Variants in KLC3 observed in about 807,000 individuals in gnomAD.
KLC3 encodes the protein kinesin light chain 3, also known as kinesin light chain 2.
In KLC3, 72 loss-of-function variants were observed where a neutral mutation model predicts 62.9. The ratio of observed to expected loss-of-function variants is 1.15; its 90% CI spans 0.95 to 1.39. The LOEUF (loss-of-function observed/expected upper bound fraction) is 1.39, where lower values mean the gene tolerates loss of function less well. Among genes scored for constraint, KLC3 ranks in the 40% most tolerant of loss-of-function variants. KLC3 has a pLI of 0.00. For synonymous variants in KLC3, 377 were observed against 300.5 expected, an observed-to-expected ratio of 1.25 and a Z score of -2.63; for missense variants, 848 against 691.6, an observed-to-expected ratio of 1.23 and a Z score of -2.54.
rs796881579 is a variant in KLC3 at position 45,348,805 on chromosome 19, C to T, written c.868-15C>T. 5.1e-6 allele frequency: 8 copies of T among 1,562,434 alleles called. No homozygotes were observed. In the African/African-American group the frequency reaches 6.8e-5, roughly 13 times the overall value. On this transcript the variant is annotated splice_polypyrimidine_tract_variant and intron_variant, in intron 6 of 12. Transcript: ENST00000391946. The stretch of plus-strand genomic sequence containing the variant: ...ACCTGCCCATCCCTGACCTGTGCCT[C>T]CCCCAACCCCGCAGGTGGCCGCCAC...
intron 1 of KLC3, among the ~76,000 whole-genome samples, chr19:45,341,578 T>TGTGTGTGCGCGCGCGCGCGCGCGC: frequency 7.2e-6 from 1 of 139,800 alleles, no homozygotes; most frequent in Non-Finnish European, 1.6e-5. Context: ...TGTGTGTGTG[T>TGTGTGTGCGCGCGCGCGCGCGCGC]GCGCGCGCGC....
At chr19:45,347,036 A>G (rs1971516560) in intron 3 of KLC3, 1 of 476,054 alleles carries the variant, frequency 2.1e-6, no homozygotes, top group East Asian at 3.6e-5. Context: ...GCTCGTGACC[A>G]CCACCTCCCT....
intron 11 of KLC3, 94 bp downstream of exon 11, chr19:45,350,841 G>A (rs1188203423): frequency 2.8e-6 from 3 of 1,077,640 alleles, no homozygotes; most frequent in Non-Finnish European, 2.7e-6. Context: ...AACCTTCCAT[G>A]GCTCCCATCT....
Position 45,351,010 on chromosome 19 carries a change from GGAC to G in KLC3, c.1437_1439del (p.Thr480del), listed in dbSNP as rs760672425. 6.2e-7 allele frequency: 1 copy of G among 1,614,106 alleles called. No individual in the cohort carries two copies. Among genetic ancestry groups the G allele is most frequent in the South Asian group, 1.1e-5 (1 of 91,082 alleles). On this transcript the variant is annotated inframe_deletion, in exon 12 of 13. Transcript: ENST00000391946. ...AACGTGGATGCTCCAAGGGCTCCTG[GGAC>G]TCAGGTGAGGGGGACATCTGGGTCA...
chr19:45,349,608 G>T lies in KLC3; in HGVS notation c.1143+6G>T, dbSNP rs768943784. Reference sequence around the variant, plus strand: ...CCAAGACCAAGAACAACCTGGTGAGGCCCCTGGGGCTCAGAGTGGGCCAAG... The same window carrying T: ...CCAAGACCAAGAACAACCTGGTGAGTCCCCTGGGGCTCAGAGTGGGCCAAG... On this transcript the variant is annotated splice_donor_region_variant and intron_variant, in intron 8 of 12. Coordinates refer to ENST00000391946, the MANE Select transcript of KLC3 (RefSeq NM_177417.3). The T allele has an allele frequency of 1.9e-6, 3 of 1,605,214 alleles. No individual in the cohort carries two copies. The highest frequency in any genetic ancestry group is 1.7e-4 in the Middle Eastern group (1 of 6,010).
intron 1 of KLC3, among the ~76,000 whole-genome samples, chr19:45,344,424 G>A (rs1379737279): frequency 2.2e-5 from 3 of 139,336 alleles, no homozygotes; most frequent in African/African-American, 8.4e-5. Context: ...TCACCCTGTT[G>A]GCCAGGCTGG....
In KLC3 at chr19:45,345,687, C is replaced by T. The variant is rs764536357; in HGVS notation, c.146C>T (p.Ala49Val). The T allele has an allele frequency of 2.9e-5, 45 of 1,574,380 alleles. No individual in the cohort carries two copies. Among genetic ancestry groups the T allele is most frequent in the Admixed American group, 3.8e-5 (2 of 53,200 alleles). Residue 49 changes from alanine (A) to valine (V), a missense_variant, in exon 2 of 13, where the codon GCG becomes GTG. Physicochemically the swap from Ala to Val is moderately conservative, Grantham distance 64. Transcript: ENST00000391946. ...AEHHGLAGHLAEALAGQGPAA... is the reference protein window; with the variant it reads ...AEHHGLAGHLVEALAGQGPAA... Reference sequence around the variant, plus strand: ...CACCATGGCCTGGCTGGGCACCTGGCGGAGGCCCTGGCGGGACAGGGCCCG... The same window carrying T: ...CACCATGGCCTGGCTGGGCACCTGGTGGAGGCCCTGGCGGGACAGGGCCCG...
intron 8 of KLC3, 28 bp downstream of exon 8, chr19:45,349,630 C>G: frequency 1.3e-6 from 2 of 1,516,980 alleles, no homozygotes; most frequent in Non-Finnish European, 1.8e-6. Flanking sequence ...CAGAGTGGGC[C>G]AAGAGTGGAG....
At position 45,346,567 on chromosome 19, in the gene KLC3, T is replaced by C. The variant is rs1280545338; in HGVS notation, c.282T>C (p.His94=). The C allele has an allele frequency of 1.9e-6, 3 of 1,545,464 alleles. No homozygotes were observed. The highest frequency in any genetic ancestry group is 2.5e-5 in the East Asian group (1 of 40,798). ...AGGTGCTGCTGGCCCTGTCGGCACA[T>C]GTGGGTGCACTGGAGGCAGAGAAGC... The part of the protein sequence containing the change: ...EAQVLLALSA[H]VGALEAEKQR... Residue 94 remains histidine, a synonymous_variant, in exon 3 of 13, where the codon CAT becomes CAC. Transcript: ENST00000391946.
chr19:45,348,932 C>A lies in KLC3; in HGVS notation c.969+11C>A. On this transcript the variant is annotated intron_variant, in intron 7 of 12. Transcript: ENST00000391946. Reference sequence around the variant, plus strand: ...GAGATCCGAGAGAAGGTCCCATCCCCCTCACCCCACCCCGAGGAACCCCTT... The same window carrying A: ...GAGATCCGAGAGAAGGTCCCATCCCACTCACCCCACCCCGAGGAACCCCTT... The A allele has an allele frequency of 1.3e-6, 2 of 1,562,634 alleles. No individual in the cohort carries two copies. Among genetic ancestry groups the A allele is most frequent in the East Asian group, 2.3e-5 (1 of 42,582 alleles).
intron 1 of KLC3, among the ~76,000 whole-genome samples, chr19:45,341,975 G>T (rs918489735): frequency 6.6e-6 from 1 of 152,030 alleles, no homozygotes; most frequent in East Asian, 1.9e-4. Context: ...GTGTGGGACT[G>T]TGCCTATGAT....
At chr19:45,350,126 A>C (rs1240814840) in intron 8 of KLC3, 1 of 575,732 alleles carries the variant, frequency 1.7e-6, no homozygotes, top group Non-Finnish European at 3.1e-6. Context: ...CCAGGTCAGC[A>C]CATTAGAAAG....
intron 1 of KLC3, among the ~76,000 whole-genome samples, chr19:45,341,136 G>A (rs1327163359): frequency 3.3e-5 from 5 of 152,032 alleles, no homozygotes; most frequent in African/African-American, 7.2e-5. Flanking sequence ...GGGTAAGTTG[G>A]TGCGGCTTGC....
At chr19:45,342,994 C>T (rs1009451608) in intron 1 of KLC3, among the ~76,000 whole-genome samples, 2 of 152,148 alleles carry the variant, frequency 1.3e-5, no homozygotes, top group Non-Finnish European at 1.5e-5. Context: ...GGCATCCCTC[C>T]ACGCGTATTC....
intron 1 of KLC3, among the ~76,000 whole-genome samples, chr19:45,341,148 G>A (rs1415592779): frequency 7.9e-5 from 12 of 151,930 alleles, no homozygotes; most frequent in Admixed American, 7.9e-4. Flanking sequence ...GCGGCTTGCG[G>A]GGCTGGGCCA....
At position 45,347,608 on chromosome 19, in the gene KLC3, G is replaced by A. The variant is rs1325710752; in HGVS notation, c.559+92G>A. 8 of 1,223,250 alleles carry A rather than the reference G, an allele frequency of 6.5e-6. No individual in the cohort carries two copies. The Admixed American group carries it at 1.8e-4, about 27-fold the overall frequency. The allele number at this position is 1,223,250 out of a possible 1,614,324, so 75.8% of individuals were successfully genotyped here. On this transcript the variant is annotated intron_variant, in intron 4 of 12. Transcript: ENST00000391946. ...GGACCCCAAAATCTCTGAGCCAGGG[G>A]ATGGGGAGGTGAGGGCAGGGTGAGG...
In KLC3 at chr19:45,350,746, G is replaced by T. The variant is rs553749571; in HGVS notation, c.1378G>T (p.Gly460Ter). ...AGGCGAGGCGGCGGCAGGAGCAGCC[G>T]GGTGAGTGTTGATCAGGTCGGCAAA... ...LRGEAAAGAA[G>*]MKRAMSLNTL... The change falls in exon 11 of 13, where the codon GGA (glycine) becomes TGA (stop). Residue 460 changes from glycine (G) to a stop codon, truncating the protein, a stop_gained and splice_region_variant. Transcript: ENST00000391946. LOFTEE classifies it high-confidence loss of function. 1 of 1,609,360 alleles carries T rather than the reference G, an allele frequency of 6.2e-7. No homozygotes were observed. Among genetic ancestry groups the T allele is most frequent in the Non-Finnish European group, 8.5e-7 (1 of 1,178,174 alleles).
At chr19:45,344,154 AGTGTGTGT>A (rs34947979) in intron 1 of KLC3, among the ~76,000 whole-genome samples, 1 of 142,028 alleles carries the variant, frequency 7.0e-6, no homozygotes, top group East Asian at 2.0e-4. Flanking sequence ...CTAATGAGGG[AGTGTGTGT>A]GTGTGTGTGT....
chr19:45,345,404 TG>T, intron 1 of KLC3, 129 bp from the exon 2 acceptor site: 1 of 1,212,066 alleles, frequency 8.3e-7, no homozygotes, highest in African/African-American at 1.5e-5. Context: ...CTGGCCAGGA[TG>T]GGTGGAGCAG....
Sources: gnomAD v4.1 joint callset for allele counts (sites outside exome capture counted in the v4.1 genomes callset) on GRCh38, gnomAD v4.1.1 for gene constraint, MANE v1.5 for transcripts, NCBI Gene and HGNC (gene_info 2026-07-23, HGNC 2026-07-21) for gene names.